The following RTL4 variants were observed in gnomAD, a reference collection of about 807,000 sequenced individuals.
RTL4 encodes the protein retrotransposon Gag like 4.
In RTL4, 4 loss-of-function variants were observed where a neutral mutation model predicts 5.3. The ratio of observed to expected loss-of-function variants is 0.75; its 90% CI spans 0.37 to 1.72. RTL4 has a LOEUF of 1.72. Ranked by LOEUF, RTL4 falls within the 40% of genes most tolerant of loss-of-function variation. The pLI, the probability that RTL4 is intolerant of heterozygous loss-of-function variation, is 0.04. For synonymous variants in RTL4, 98 were observed against 87.3 expected (o/e 1.12, Z -0.68); for missense variants, 260 against 227.1 (o/e 1.14, Z -0.93).
chrX:112,335,203 C>A, the RTL4 span, among the ~76,000 whole-genome samples: 3 of 112,003 alleles, frequency 2.7e-5, no homozygotes, highest in African/African-American at 9.7e-5. Context: ...TTTCCCACTT[C>A]TTCTTGAATT....
chrX:112,334,456 C>T, the RTL4 span, among the ~76,000 whole-genome samples: 121 of 111,862 alleles, frequency 1.1e-3, no homozygotes, highest in African/African-American at 3.8e-3. Context: ...ACCTTACCAG[C>T]ATTCAACGAG....
chrX:112,126,728 A>C, the RTL4 span, among the ~76,000 whole-genome samples: 4 of 111,931 alleles, frequency 3.6e-5, no homozygotes, highest in African/African-American at 1.3e-4. Context: ...AGTGAAGACA[A>C]TACTACTAAC....
the RTL4 span, among the ~76,000 whole-genome samples, chrX:112,377,882 T>A: frequency 7.5e-4 from 84 of 112,123 alleles, no homozygotes; most frequent in South Asian, 0.03. Context: ...TCATGCCACC[T>A]GAAGTGGAAA....
chrX:112,419,595 T>TATATATATATA, the RTL4 span, among the ~76,000 whole-genome samples: 111 of 28,143 alleles, frequency 3.9e-3, 4 homozygotes, highest in East Asian at 0.035. Flanking sequence ...ATATATATAT[T>TATATATATATA]TTTACATATG....
chrX:112,284,925 C>G, the RTL4 span, among the ~76,000 whole-genome samples: 1 of 110,989 alleles, frequency 9.0e-6, no homozygotes, highest in Non-Finnish European at 1.9e-5. Context: ...ACAAATGGAC[C>G]CTGAATAATT....
At chrX:112,238,320 A>T in the RTL4 span, among the ~76,000 whole-genome samples, 2 of 112,267 alleles carry the variant, frequency 1.8e-5, no homozygotes, top group African/African-American at 6.5e-5. Flanking sequence ...AGTTGGAATC[A>T]TATTTTACTT....
the RTL4 span, among the ~76,000 whole-genome samples, chrX:112,289,843 C>G: frequency 9.1e-6 from 1 of 110,448 alleles, no homozygotes; most frequent in Admixed American, 9.7e-5. Flanking sequence ...TTACCACAAC[C>G]CTTTGAGGTA....
chrX:112,342,229 G>C, the RTL4 span, among the ~76,000 whole-genome samples: 2 of 110,921 alleles, frequency 1.8e-5, no homozygotes, highest in African/African-American at 6.6e-5. Context: ...TTTAACAAAG[G>C]GTTAAAAATA....
chrX:112,164,718 C>A, the RTL4 span, among the ~76,000 whole-genome samples: 2 of 112,067 alleles, frequency 1.8e-5, no homozygotes, highest in African/African-American at 3.2e-5. Flanking sequence ...TGGTTTATAA[C>A]CCCTGAACTC....
chrX:112,414,847 C>A, the RTL4 span, among the ~76,000 whole-genome samples: 6 of 111,315 alleles, frequency 5.4e-5, no homozygotes, highest in African/African-American at 2.0e-4. Flanking sequence ...ATAAAAGTTT[C>A]CTGTTGAAGG....
the RTL4 span, among the ~76,000 whole-genome samples, chrX:112,224,754 A>G: frequency 9.0e-6 from 1 of 111,561 alleles, no homozygotes; most frequent in Non-Finnish European, 1.9e-5. Flanking sequence ...CACATGAAAC[A>G]ACTACAATGG....
At chrX:112,085,042 A>G in the RTL4 span, among the ~76,000 whole-genome samples, 40 of 112,804 alleles carry the variant, frequency 3.5e-4, no homozygotes, top group African/African-American at 1.2e-3. Context: ...CAAACTTAGC[A>G]GAGTATCTCC....
chrX:112,287,622 T>C, the RTL4 span, among the ~76,000 whole-genome samples: 54 of 111,653 alleles, frequency 4.8e-4, no homozygotes, highest in Non-Finnish European at 9.8e-4. Context: ...GGAGCATTCA[T>C]TTGAGAGCTA....
At chrX:112,412,352 A>T in the RTL4 span, among the ~76,000 whole-genome samples, 7 of 111,857 alleles carry the variant, frequency 6.3e-5, no homozygotes, top group Non-Finnish European at 5.7e-5. Flanking sequence ...TGGAAATAAC[A>T]ATTGTCAAAT....
the RTL4 span, among the ~76,000 whole-genome samples, chrX:112,300,673 AAT>A: frequency 6.2e-5 from 7 of 112,483 alleles, no homozygotes; most frequent in South Asian, 2.6e-3. Context: ...AATTCTCAAC[AAT>A]AAATGTACAT....
At chrX:112,405,557 G>T in the RTL4 span, among the ~76,000 whole-genome samples, 244 of 111,989 alleles carry the variant, frequency 2.2e-3, no homozygotes, top group African/African-American at 7.3e-3. Context: ...TCTGAACAAA[G>T]TTCAGAAGTT....
chrX:112,303,501 G>A, the RTL4 span, among the ~76,000 whole-genome samples: 3 of 102,109 alleles, frequency 2.9e-5, no homozygotes, highest in Non-Finnish European at 3.9e-5. Context: ...GTAAACTATT[G>A]CAAGGACAAA....
the RTL4 span, among the ~76,000 whole-genome samples, chrX:112,296,535 T>G: frequency 9.0e-6 from 1 of 111,002 alleles, no homozygotes; most frequent in Non-Finnish European, 1.9e-5. Context: ...CAGAGAATAA[T>G]TTCCCTGTTT....
At chrX:112,448,003 G>T in the RTL4 span, among the ~76,000 whole-genome samples, 1 of 111,417 alleles carries the variant, frequency 9.0e-6, no homozygotes, top group Non-Finnish European at 1.9e-5. Context: ...ACCTTGACCA[G>T]GGGCACAGAT....
Sources: allele counts gnomAD v4.1 joint callset (sites outside exome capture counted in the v4.1 genomes callset), GRCh38; gene constraint gnomAD v4.1.1; transcripts MANE v1.5; gene names NCBI Gene and HGNC (gene_info 2026-07-23, HGNC 2026-07-21).